Variants in PDE4B observed in about 807,000 individuals in gnomAD.
PDE4B encodes the protein phosphodiesterase 4B, also known as 3',5'-cyclic-AMP phosphodiesterase 4B.
Under a neutral mutation model 82.2 loss-of-function variants are expected in PDE4B, and 20 were observed. The observed-to-expected ratio is 0.24, with a 90% CI of 0.17 to 0.35. The LOEUF is 0.35. PDE4B is among the 10% of genes least tolerant of loss of function. The pLI, the probability that PDE4B is intolerant of heterozygous loss-of-function variation, is 1.00. For missense variants in PDE4B, 655 were observed against 907.2 expected (o/e 0.72, Z 3.57); for synonymous variants, 320 against 318.9 (o/e 1.00, Z -0.04).
intron 3 of PDE4B, among the ~76,000 whole-genome samples, chr1:66,033,628 G>A (rs771001562): frequency 5.3e-5 from 8 of 150,944 alleles, no homozygotes; most frequent in African/African-American, 1.2e-4. Flanking sequence ...TGTGTTAGTA[G>A]CCAGATAAAC....
rs114782106 is a variant in PDE4B at position 66,209,831 on chromosome 1, C to T, written c.282-37629C>T. Among the ~76,000 whole-genome samples the T allele has an allele frequency of 5.5e-3, 842 of 152,266 alleles. 10 individuals carry two copies. The highest frequency in any genetic ancestry group is 0.019 in the African/African-American group (803 of 41,560). On this transcript the variant is annotated intron_variant, in intron 3 of 16. Coordinates refer to ENST00000341517, the MANE Select transcript of PDE4B (RefSeq NM_002600.4). ...ACTTAATGTAAAGTTTTGTGAGATT[C>T]ATACATGTTGTTGCCTATTCAATAG...
chr1:65,935,630 A>G (rs895545038), intron 3 of PDE4B, among the ~76,000 whole-genome samples: 12 of 152,224 alleles, frequency 7.9e-5, no homozygotes, highest in Admixed American at 1.3e-4. Context: ...TTAACTTTTT[A>G]TGATAATACT....
intron 7 of PDE4B, among the ~76,000 whole-genome samples, chr1:66,314,530 A>C (rs1276108450): frequency 6.6e-6 from 1 of 152,006 alleles, no homozygotes; most frequent in Non-Finnish European, 1.5e-5. Flanking sequence ...CTCCTACCTC[A>C]GTCTACTGAG....
intron 1 of PDE4B, among the ~76,000 whole-genome samples, chr1:65,886,838 T>C (rs1465533918): frequency 1.3e-5 from 2 of 152,196 alleles, no homozygotes; most frequent in African/African-American, 4.8e-5. Context: ...GATAAACATG[T>C]AAGTGCAGCA....
rs1331714281 is a variant in PDE4B at position 66,215,218 on chromosome 1, G to A, written c.282-32242G>A. ...TCATAGGCAACAAGCCAATGGGAAG[G>A]TTTTAGCATTAGCCAATGCTAGCAA... On this transcript the variant is annotated intron_variant, in intron 3 of 16. Coordinates refer to ENST00000341517, the MANE Select transcript of PDE4B (RefSeq NM_002600.4). 2.6e-5 allele frequency among the ~76,000 whole-genome samples: 4 copies of A among 152,118 alleles called. No homozygotes were observed. In the South Asian group the frequency reaches 6.2e-4, roughly 24 times the overall value.
At chr1:66,241,969 A>G (rs2101659979) in intron 3 of PDE4B, among the ~76,000 whole-genome samples, 1 of 152,330 alleles carries the variant, frequency 6.6e-6, no homozygotes, top group South Asian at 2.1e-4. Context: ...AATATTTGTT[A>G]TGTGCCTTTT....
At chr1:66,181,477 A>G (rs1293766314) in intron 3 of PDE4B, among the ~76,000 whole-genome samples, 1 of 152,220 alleles carries the variant, frequency 6.6e-6, no homozygotes, top group African/African-American at 2.4e-5. Flanking sequence ...TATCATATAT[A>G]CTGTTAGCTA....
intron 1 of PDE4B, among the ~76,000 whole-genome samples, chr1:65,817,665 A>C (rs1645902383): frequency 6.6e-6 from 1 of 152,212 alleles, no homozygotes; most frequent in Non-Finnish European, 1.5e-5. Context: ...GAATGAAAAG[A>C]GCTAGAAGCA....
chr1:66,228,723 G>A (rs759280166), intron 3 of PDE4B, among the ~76,000 whole-genome samples: 27 of 151,570 alleles, frequency 1.8e-4, no homozygotes, highest in African/African-American at 6.1e-4. Flanking sequence ...GGCCTGACAC[G>A]ACTCAGTGTG....
intron 2 of PDE4B, among the ~76,000 whole-genome samples, chr1:65,913,791 C>T (rs1437527255): frequency 6.6e-6 from 1 of 152,174 alleles, no homozygotes; most frequent in African/African-American, 2.4e-5. Context: ...TCCCCTAGGC[C>T]TTTGCTACTG....
chr1:65,815,021 T>TTTTA (rs138553972), intron 1 of PDE4B, among the ~76,000 whole-genome samples: 1,629 of 145,158 alleles, frequency 0.011, 18 homozygotes, highest in African/African-American at 0.029. Context: ...TCAACACACA[T>TTTTA]TTTATTTATT....
intron 3 of PDE4B, among the ~76,000 whole-genome samples, chr1:66,117,952 C>T (rs1430430471): frequency 6.6e-6 from 1 of 152,166 alleles, no homozygotes; most frequent in African/African-American, 2.4e-5. Context: ...TCCTATTTCT[C>T]CACATCCTCT....
chr1:66,143,841 G>A (rs1300442870), intron 3 of PDE4B, among the ~76,000 whole-genome samples: 1 of 152,216 alleles, frequency 6.6e-6, no homozygotes, highest in Non-Finnish European at 1.5e-5. Context: ...GTAGGAATGG[G>A]CAGCCATCTT....
At chr1:65,904,929 T>C (rs1245790579) in intron 1 of PDE4B, among the ~76,000 whole-genome samples, 3 of 152,208 alleles carry the variant, frequency 2.0e-5, no homozygotes, top group African/African-American at 7.2e-5. Context: ...AGTAGGAATA[T>C]GTATCCTGTC....
intron 3 of PDE4B, among the ~76,000 whole-genome samples, chr1:66,173,272 A>G (rs576302385): frequency 4.6e-5 from 7 of 152,338 alleles, no homozygotes; most frequent in African/African-American, 1.7e-4. Context: ...TGAAAAGGCA[A>G]TAGGGCTGGA....
intron 7 of PDE4B, among the ~76,000 whole-genome samples, chr1:66,324,626 C>G (rs1659622723): frequency 6.6e-6 from 1 of 152,158 alleles, no homozygotes. Context: ...AAATGACCTA[C>G]TTTTCACTGT....
chr1:66,029,988 C>T (rs1036832506), intron 3 of PDE4B, among the ~76,000 whole-genome samples: 2 of 150,110 alleles, frequency 1.3e-5, no homozygotes, highest in Non-Finnish European at 2.9e-5. Context: ...AGCATAGTGA[C>T]AGAATTGGTA....
At chr1:66,098,436 A>G (rs1310867138) in intron 3 of PDE4B, among the ~76,000 whole-genome samples, 1 of 152,176 alleles carries the variant, frequency 6.6e-6, no homozygotes, top group Non-Finnish European at 1.5e-5. Context: ...ATCATGATCC[A>G]TCATTTCATA....
intron 1 of PDE4B, among the ~76,000 whole-genome samples, chr1:65,810,487 A>T (rs578023040): frequency 2.0e-5 from 3 of 152,312 alleles, no homozygotes; most frequent in African/African-American, 7.2e-5. Flanking sequence ...TCTTTCACCA[A>T]CCCAAAGTCT....
Sources: gnomAD v4.1 joint callset for allele counts (sites outside exome capture counted in the v4.1 genomes callset) on GRCh38, gnomAD v4.1.1 for gene constraint, MANE v1.5 for transcripts, NCBI Gene and HGNC (gene_info 2026-07-23, HGNC 2026-07-21) for gene names.